NUP210: variants seen among roughly 807,000 people sequenced by gnomAD.
NUP210 encodes nuclear pore membrane glycoprotein 210.
In NUP210, 151 loss-of-function variants were observed where a neutral mutation model predicts 196.0. The observed-to-expected ratio is 0.77, with a 90% confidence interval of 0.67 to 0.88. The LOEUF is 0.88. NUP210 is among the 40% of genes least tolerant of loss of function. NUP210 has a pLI of 0.00. For synonymous variants in NUP210, 1,070 were observed against 1,052.7 expected (o/e 1.02, Z -0.32); for missense variants, 2,314 against 2,493.7 (o/e 0.93, Z 1.53).
rs191079560 is a variant in NUP210 at position 13,346,070 on chromosome 3, A to T, written c.2836-2767T>A. Reference sequence around the variant, plus strand: ...TTAAAAGAACCATCTTGCACATTTTAAACAGAGACATAAAATGGCAGTGGG... The same window carrying T: ...TTAAAAGAACCATCTTGCACATTTTTAACAGAGACATAAAATGGCAGTGGG... On this transcript the variant is annotated intron_variant, in intron 20 of 39. Coordinates refer to ENST00000254508, the MANE Select transcript of NUP210 (RefSeq NM_024923.4). Among the ~76,000 whole-genome samples the T allele has an allele frequency of 1.3e-3, 194 of 152,342 alleles. 1 individual carries two copies. In the Middle Eastern group the frequency reaches 0.017, roughly 13 times the overall value.
chr3:13,370,260 T>C (rs865792868), intron 13 of NUP210, among the ~76,000 whole-genome samples: 3 of 152,274 alleles, frequency 2.0e-5, no homozygotes, highest in Non-Finnish European at 2.9e-5. Context: ...AAGAGAAATT[T>C]GACACCACAG....
intron 14 of NUP210, 53 bp downstream of exon 14, chr3:13,365,893 C>T: frequency 6.3e-7 from 1 of 1,593,190 alleles, no homozygotes. Flanking sequence ...GGGTAATTTG[C>T]ATCTGGGAAG....
intron 1 of NUP210, among the ~76,000 whole-genome samples, chr3:13,401,275 A>AAAAACAAAAAAAAAAAAAAAAC (rs1699830750): frequency 6.7e-6 from 1 of 149,708 alleles, no homozygotes; most frequent in Admixed American, 6.6e-5. Context: ...AAAAAAAAAA[A>AAAAACAAAAAAAAAAAAAAAAC]AAAAAGGCAA....
At chr3:13,399,604 T>G in intron 2 of NUP210, 121 bp downstream of exon 2, 1 of 1,349,798 alleles carries the variant, frequency 7.4e-7, no homozygotes, top group Non-Finnish European at 1.0e-6. Flanking sequence ...CTGGGTGTCC[T>G]GCCACTCAAC....
intron 8 of NUP210, among the ~76,000 whole-genome samples, 183 bp from the exon 9 acceptor site, chr3:13,377,745 C>A (rs1217147954): frequency 6.7e-6 from 1 of 149,872 alleles, no homozygotes; most frequent in Non-Finnish European, 1.5e-5. Flanking sequence ...GGCCCCACTC[C>A]ACCCACCTGC....
chr3:13,381,335 T>C (rs1459820151), intron 6 of NUP210, among the ~76,000 whole-genome samples: 1 of 152,076 alleles, frequency 6.6e-6, no homozygotes, highest in Non-Finnish European at 1.5e-5. Flanking sequence ...GATGTAACCC[T>C]CCTTGCAAAT....
At position 13,388,371 on chromosome 3, in the gene NUP210, T is replaced by C; in HGVS notation, c.616A>G (p.Ile206Val). 1 of 1,613,046 alleles carries C rather than the reference T, an allele frequency of 6.2e-7. No individual in the cohort carries two copies. Among genetic ancestry groups the C allele is most frequent in the East Asian group, 2.2e-5 (1 of 44,738 alleles). ...CCGGTCTTCATCCCAGACACCAGGA[T>C]GGTGTCCCCTTGCTTGGCAGCCTTC... ...MEKAAKQGDTILVSGMKTGSS... is the reference protein window; with the variant it reads ...MEKAAKQGDTVLVSGMKTGSS... The change falls in exon 5 of 40, where the codon ATC (isoleucine) becomes GTC (valine). Residue 206 changes from isoleucine to valine, a missense_variant. Ile to Val is a conservative substitution (Grantham distance 29). Coordinates refer to ENST00000254508, the MANE Select transcript of NUP210 (RefSeq NM_024923.4).
Position 13,420,189 on chromosome 3 carries a change from A to G in NUP210, c.38T>C (p.Leu13Pro). ...GGGGCCCGCCGCCAACAGCACCGAC[A>G]GCGTCAGCAGCAGCAGCCCCCGGCC... Reference protein sequence around the residue: ...ARGRGLLLLTLSVLLAAGPSA... With the variant: ...ARGRGLLLLTPSVLLAAGPSA... Residue 13 changes from leucine (L) to proline (P), a missense_variant, in exon 1 of 40, where the codon CTG becomes CCG. Physicochemically the swap from Leu to Pro is moderately conservative, Grantham distance 98. Transcript: ENST00000254508. The surrounding 1 kb of genome is among the most constrained non-coding windows in gnomAD (Gnocchi z 4.8). 3.3e-6 allele frequency: 4 copies of G among 1,224,914 alleles called. No individual in the cohort carries two copies. Among genetic ancestry groups the G allele is most frequent in the South Asian group, 2.6e-5 (1 of 37,968 alleles). The allele number at this position is 1,224,914 out of a possible 1,614,324, so 75.9% of individuals were successfully genotyped here. A position where few individuals can be genotyped will look rare whatever the true frequency, so the allele number is the denominator to read the frequency against.
chr3:13,341,860 T>C lies in NUP210; in HGVS notation c.3116A>G (p.Asn1039Ser). The change falls in exon 23 of 40, where the codon AAC (asparagine) becomes AGC (serine). Residue 1039 changes from asparagine to serine, a missense_variant. Coordinates refer to ENST00000254508, the MANE Select transcript of NUP210 (RefSeq NM_024923.4). ...TLVALDEALDNYTITFLIRGV... is the reference protein window; with the variant it reads ...TLVALDEALDSYTITFLIRGV... ...GCGGATGAGGAATGTGATGGTGTAG[T>C]TGTCAAGGGCTTCATCAAGGGCCCT... 1 of 1,614,100 alleles carries C rather than the reference T, an allele frequency of 6.2e-7. No homozygotes were observed.
In NUP210 at chr3:13,322,335, C is replaced by T. The variant is rs753618433; in HGVS notation, c.4773G>A (p.Glu1591=). The change falls in exon 35 of 40, where the codon GAG becomes GAA. Residue 1591 remains glutamate, a synonymous_variant. Coordinates refer to ENST00000254508, the MANE Select transcript of NUP210 (RefSeq NM_024923.4). ...VGDRSSNLRG[E]CTPTQREVIQ... ...TGACTTCCCTCTGGGTGGGGGTGCA[C>T]TCGCCTAGAGAGGGGAGAGACGAGA... 1 of 1,614,212 alleles carries T rather than the reference C, an allele frequency of 6.2e-7. No individual in the cohort carries two copies. Among genetic ancestry groups the T allele is most frequent in the Non-Finnish European group, 8.5e-7 (1 of 1,180,030 alleles).
intron 20 of NUP210, 33 bp from the exon 21 acceptor site, chr3:13,343,336 T>TGGGGCGGGGGGGGGGGGGGGGGG: frequency 3.8e-6 from 1 of 260,408 alleles, no homozygotes. Flanking sequence ...GAGGGGTGGG[T>TGGGGCGGGGGGGGGGGGGGGGGG]GGTGGGTTAC....
At chr3:13,375,264 C>T (rs764349920) in intron 11 of NUP210, among the ~76,000 whole-genome samples, 1 of 151,488 alleles carries the variant, frequency 6.6e-6, no homozygotes, top group Non-Finnish European at 1.5e-5. Context: ...GCTGGGACTG[C>T]AGGTGTTAGC....
chr3:13,413,111 T>C (rs1478016996), intron 1 of NUP210, among the ~76,000 whole-genome samples: 1 of 136,276 alleles, frequency 7.3e-6, no homozygotes, highest in Non-Finnish European at 1.6e-5. Flanking sequence ...CTAAAAATAC[T>C]AAAATTAGCC....
intron 14 of NUP210, among the ~76,000 whole-genome samples, chr3:13,362,457 C>G (rs1342911372): frequency 1.3e-5 from 2 of 152,150 alleles, no homozygotes; most frequent in African/African-American, 2.4e-5. Context: ...TCTGCTGGTG[C>G]CTTGACCTTG....
At chr3:13,394,514 G>C (rs1576415019) in intron 3 of NUP210, among the ~76,000 whole-genome samples, 1 of 152,248 alleles carries the variant, frequency 6.6e-6, no homozygotes, top group Admixed American at 6.5e-5. Flanking sequence ...GAGACAGGCA[G>C]TGCATCCAGC....
At chr3:13,405,393 T>A (rs1699972537) in intron 1 of NUP210, among the ~76,000 whole-genome samples, 1 of 152,132 alleles carries the variant, frequency 6.6e-6, no homozygotes, top group South Asian at 2.1e-4. Context: ...AACTAAACCA[T>A]CAGCTCTCCT....
In NUP210 at chr3:13,342,107, G is replaced by A; in HGVS notation, c.2981C>T (p.Thr994Ile). 7.4e-6 allele frequency: 12 copies of A among 1,614,106 alleles called. No homozygotes were observed. The highest frequency in any genetic ancestry group is 1.0e-5 in the Non-Finnish European group (12 of 1,180,006). ...RVVDKVEIGK[T>I]VKAYVRVLDL... ...CAGCACGCGGACGTATGCCTTCACT[G>A]TCTTCCCAATCTCCACCTGCATCAT... Residue 994 changes from threonine to isoleucine, a missense_variant, in exon 22 of 40, where the codon ACA (threonine) becomes ATA (isoleucine). By Grantham distance (89) the Thr-to-Ile change is moderately conservative. Transcript: ENST00000254508.
At chr3:13,388,035 C>T (rs1001224581) in intron 5 of NUP210, among the ~76,000 whole-genome samples, 1 of 152,134 alleles carries the variant, frequency 6.6e-6, no homozygotes, top group African/African-American at 2.4e-5. Flanking sequence ...ACCTCCTGCT[C>T]TTGGACCTCC....
intron 39 of NUP210, among the ~76,000 whole-genome samples, chr3:13,318,245 C>A (rs936918187): frequency 6.6e-6 from 1 of 152,144 alleles, no homozygotes; most frequent in Non-Finnish European, 1.5e-5. Context: ...AGGGCAGGCA[C>A]CTGCTGCCAG....
Sources: gnomAD v4.1 joint callset for allele counts (sites outside exome capture counted in the v4.1 genomes callset) on GRCh38, gnomAD v4.1.1 for gene constraint, Gnocchi (gnomAD v3.1) non-coding constraint, MANE v1.5 for transcripts, NCBI Gene and HGNC (gene_info 2026-07-23, HGNC 2026-07-21) for gene names.